The following TECRL variants were observed in gnomAD, a reference collection of about 807,000 sequenced individuals.
TECRL encodes trans-2,3-enoyl-CoA reductase like, also known as trans-2,3-enoyl-CoA reductase-like.
TECRL carries 63 observed loss-of-function variants against 52.8 expected under a neutral mutation model. The ratio of observed to expected loss-of-function variants is 1.19; its 90% confidence interval spans 0.97 to 1.47. The LOEUF (loss-of-function observed/expected upper bound fraction) is 1.47. TECRL is among the 40% of genes most tolerant of loss of function. The pLI is 0.00. For synonymous variants in TECRL, 164 were observed against 141.9 expected, an observed-to-expected ratio of 1.16 and a Z score of -1.10; for missense variants, 482 against 429.6, an observed-to-expected ratio of 1.12 and a Z score of -1.08.
intron 2 of TECRL, among the ~76,000 whole-genome samples, chr4:64,351,294 C>CT (rs71203163): frequency 0.67 from 99,987 of 149,518 alleles, 34,494 homozygotes; most frequent in Non-Finnish European, 0.76. Context: ...GAAAAGGGAA[C>CT]TTTTTTTTTG....
intron 9 of TECRL, 57 bp from the exon 10 acceptor site, chr4:64,281,616 T>C: frequency 3.3e-6 from 3 of 896,650 alleles, no homozygotes; most frequent in South Asian, 3.2e-5. Context: ...TCTGATCATA[T>C]GCTTATTATA....
intron 1 of TECRL, among the ~76,000 whole-genome samples, chr4:64,390,857 G>A (rs1326543760): frequency 6.6e-6 from 1 of 151,734 alleles, no homozygotes. Flanking sequence ...TTATGTTACA[G>A]TTTTTAAAAT....
chr4:64,282,817 T>C (rs1405729764), intron 9 of TECRL, among the ~76,000 whole-genome samples: 8 of 152,192 alleles, frequency 5.3e-5, no homozygotes, highest in Admixed American at 4.6e-4. Context: ...ACAGTTGCTG[T>C]TAACTGTAAT....
chr4:64,298,648 T>C (rs1723827338), intron 8 of TECRL, among the ~76,000 whole-genome samples: 1 of 151,094 alleles, frequency 6.6e-6, no homozygotes, highest in Admixed American at 6.6e-5. Flanking sequence ...AAATTAATAA[T>C]ATTACATGAA....
intron 1 of TECRL, among the ~76,000 whole-genome samples, chr4:64,381,037 A>G (rs1365911356): frequency 6.6e-6 from 1 of 152,088 alleles, no homozygotes; most frequent in Non-Finnish European, 1.5e-5. Flanking sequence ...TTAGCATCAG[A>G]TGTCTTTCCA....
rs369300604 is a variant in TECRL, at chr4:64,340,521, G to T, written c.287-11965C>A. On this transcript the variant is annotated intron_variant, in intron 2 of 11. Coordinates refer to ENST00000381210, the MANE Select transcript of TECRL (RefSeq NM_001010874.5). ...ACCGGGTTTGTGCACACTTGGAGCA[G>T]TGCTGACACACCAGCCCCCTGCTGC... Among the ~76,000 whole-genome samples, 71 of 152,356 alleles carry T rather than the reference G, an allele frequency of 4.7e-4. No individual in the cohort carries two copies. In the South Asian group the frequency reaches 0.01, roughly 22 times the overall value.
At chr4:64,349,252 C>T (rs1000159166) in intron 2 of TECRL, among the ~76,000 whole-genome samples, 2 of 151,684 alleles carry the variant, frequency 1.3e-5, no homozygotes, top group African/African-American at 4.8e-5. Flanking sequence ...CCTGCCTCAA[C>T]CTCCCGAGTA....
chr4:64,313,977 CAAAAAAAAA>C (rs752037972), intron 5 of TECRL, among the ~76,000 whole-genome samples: 4 of 61,980 alleles, frequency 6.5e-5, no homozygotes, highest in Admixed American at 3.6e-4. Flanking sequence ...ACTAAAAATA[CAAAAAAAAA>C]AAAAAAAAAA....
intron 5 of TECRL, among the ~76,000 whole-genome samples, chr4:64,313,022 CTG>C (rs1388368912): frequency 1.3e-5 from 2 of 152,128 alleles, no homozygotes; most frequent in South Asian, 4.1e-4. Flanking sequence ...CCTTGCGGAA[CTG>C]TGAGTCAATT....
At chr4:64,335,320 G>A (rs1270645955) in intron 2 of TECRL, among the ~76,000 whole-genome samples, 2 of 152,142 alleles carry the variant, frequency 1.3e-5, no homozygotes, top group Admixed American at 6.5e-5. Flanking sequence ...TGCATGTGAG[G>A]AATCTAGGTT....
At chr4:64,362,528 C>T (rs1368957038) in intron 2 of TECRL, among the ~76,000 whole-genome samples, 1 of 151,902 alleles carries the variant, frequency 6.6e-6, no homozygotes, top group Non-Finnish European at 1.5e-5. Context: ...TTATACAAAC[C>T]AGGAGGGATT....
Position 64,318,589 on chromosome 4 carries a change from A to G in TECRL, c.436-3826T>C, listed in dbSNP as rs191342261. Among the ~76,000 whole-genome samples the G allele has an allele frequency of 2.6e-5, 4 of 152,226 alleles. No individual in the cohort carries two copies. In the East Asian group the frequency reaches 7.7e-4, roughly 29 times the overall value. On this transcript the variant is annotated intron_variant, in intron 4 of 11. Coordinates refer to ENST00000381210, the MANE Select transcript of TECRL (RefSeq NM_001010874.5). ...TAACAAAACCAAACAAGAATTGTTT[A>G]GAAAAGACACATTACTTTCAAAGGA...
At chr4:64,299,924 A>C in intron 8 of TECRL, 50 bp downstream of exon 8, 2 of 1,219,614 alleles carry the variant, frequency 1.6e-6, no homozygotes, top group Non-Finnish European at 2.3e-6. Context: ...GTTTTTCTTA[A>C]TAATACCAAA....
chr4:64,395,896 G>A (rs1577989789), intron 1 of TECRL, among the ~76,000 whole-genome samples: 1 of 152,156 alleles, frequency 6.6e-6, no homozygotes, highest in African/African-American at 2.4e-5. Context: ...TCAATGTTTA[G>A]ATCCTATTTA....
chr4:64,349,080 C>A (rs866353047), intron 2 of TECRL, among the ~76,000 whole-genome samples: 7 of 128,758 alleles, frequency 5.4e-5, no homozygotes, highest in South Asian at 2.5e-4. Flanking sequence ...AAAAAAAAAA[C>A]CTAAAATTTT....
At chr4:64,294,546 C>T (rs552674477) in intron 8 of TECRL, among the ~76,000 whole-genome samples, 22 of 151,970 alleles carry the variant, frequency 1.4e-4, no homozygotes, top group Non-Finnish European at 2.8e-4. Context: ...TAATAATATA[C>T]TCATGGTTTG....
At chr4:64,311,061 G>A (rs1215462877) in intron 5 of TECRL, among the ~76,000 whole-genome samples, 3 of 152,110 alleles carry the variant, frequency 2.0e-5, no homozygotes, top group Non-Finnish European at 4.4e-5. Context: ...ATAAAAATCA[G>A]CATATCATTT....
At chr4:64,384,398 G>A (rs1577972141) in intron 1 of TECRL, among the ~76,000 whole-genome samples, 1 of 152,104 alleles carries the variant, frequency 6.6e-6, no homozygotes, top group Non-Finnish European at 1.5e-5. Context: ...GCCCCAAGTT[G>A]GCATATGCAA....
At chr4:64,276,830 A>T (rs1466751226), downstream of TECRL, 16 of 359,400 alleles carry the variant, frequency 4.5e-5, no homozygotes, top group Non-Finnish European at 6.4e-5. Context: ...GTATCATTAA[A>T]GTTTGTAAGT....
Sources: allele counts gnomAD v4.1 joint callset (sites outside exome capture counted in the v4.1 genomes callset), GRCh38; gene constraint gnomAD v4.1.1; transcripts MANE v1.5; gene names NCBI Gene and HGNC (gene_info 2026-07-23, HGNC 2026-07-21).